The following FBXO17 variants were observed in gnomAD, a reference collection of about 807,000 sequenced individuals.
The protein encoded by FBXO17 is F-box only protein 17.
Under a neutral mutation model 34.1 loss-of-function variants are expected in FBXO17, and 43 were observed. The observed-to-expected ratio is 1.26, with a 90% CI of 0.99 to 1.62. The LOEUF (loss-of-function observed/expected upper bound fraction) is 1.62, where lower values mean the gene tolerates loss of function less well. FBXO17 is among the 40% of genes most tolerant of loss of function. FBXO17 has a pLI of 0.00. For synonymous variants in FBXO17, 169 were observed against 166.0 expected (o/e 1.02, Z -0.14); for missense variants, 424 against 386.7 (o/e 1.10, Z -0.81).
chr19:38,960,809 CTTT>C (rs60174151), intron 1 of FBXO17, among the ~76,000 whole-genome samples: 11 of 139,322 alleles, frequency 7.9e-5, no homozygotes, highest in Non-Finnish European at 1.1e-4. Context: ...CACCCGGCCA[CTTT>C]TTTTTTTTTT....
At chr19:38,949,703 C>T (rs1975042268) in intron 2 of FBXO17, 3 of 569,622 alleles carry the variant, frequency 5.3e-6, no homozygotes, top group Admixed American at 3.3e-5. Flanking sequence ...TTCTGCATCC[C>T]CTCTGCATAC....
intron 1 of FBXO17, among the ~76,000 whole-genome samples, chr19:38,974,760 C>T (rs1975439204): frequency 2.0e-5 from 3 of 152,086 alleles, no homozygotes; most frequent in Admixed American, 2.0e-4. Context: ...TTACTTCTTG[C>T]CATTTTTGAA....
At chr19:38,952,302 A>G (rs958254402) in intron 1 of FBXO17, among the ~76,000 whole-genome samples, 1 of 152,198 alleles carries the variant, frequency 6.6e-6, no homozygotes, top group Non-Finnish European at 1.5e-5. Context: ...ACAGACCCAC[A>G]AGGAAACCCA....
intron 1 of FBXO17, among the ~76,000 whole-genome samples, chr19:38,962,694 A>T (rs1438784256): frequency 6.7e-6 from 1 of 150,290 alleles, no homozygotes; most frequent in South Asian, 2.1e-4. Context: ...TGTATCTGCT[A>T]TTTCTTTCTT....
chr19:38,948,862 C>G (rs1479317278), intron 2 of FBXO17, among the ~76,000 whole-genome samples, 184 bp from the exon 3 acceptor site: 5 of 152,238 alleles, frequency 3.3e-5, no homozygotes, highest in African/African-American at 9.6e-5. Flanking sequence ...AACTGTGACT[C>G]TCAGCGGTGC....
At chr19:38,946,406 G>T (rs954989923) in intron 4 of FBXO17, 66 bp downstream of exon 4, 4 of 1,605,576 alleles carry the variant, frequency 2.5e-6, no homozygotes, top group Non-Finnish European at 3.4e-6. Context: ...CGGGAAATGA[G>T]CCCCTGTTGC....
chr19:38,967,568 ATTTTTT>A (rs59028401), intron 1 of FBXO17, among the ~76,000 whole-genome samples: 4 of 148,282 alleles, frequency 2.7e-5, no homozygotes, highest in Non-Finnish European at 4.5e-5. Context: ...GGAAAATGCA[ATTTTTT>A]TTTTTTTTTG....
At chr19:38,942,876 G>C in intron 5 of FBXO17, 125 bp from the exon 6 acceptor site, 1 of 1,227,960 alleles carries the variant, frequency 8.1e-7, no homozygotes, top group East Asian at 3.0e-5. Flanking sequence ...GGACGGAGCA[G>C]TGAATAAAAC....
At chr19:38,968,844 A>C (rs938727564) in intron 1 of FBXO17, among the ~76,000 whole-genome samples, 1 of 152,196 alleles carries the variant, frequency 6.6e-6, no homozygotes, top group Admixed American at 6.6e-5. Flanking sequence ...CAGAAAAGAC[A>C]AATCTTTTTG....
intron 1 of FBXO17, among the ~76,000 whole-genome samples, chr19:38,974,776 A>T (rs1475337709): frequency 6.6e-6 from 1 of 152,182 alleles, no homozygotes; most frequent in Non-Finnish European, 1.5e-5. Flanking sequence ...TTGAAAAGTA[A>T]TGTAGTTAAC....
chr19:38,944,113 C>T (rs1411314512), intron 5 of FBXO17, among the ~76,000 whole-genome samples: 1 of 152,110 alleles, frequency 6.6e-6, no homozygotes, highest in Non-Finnish European at 1.5e-5. Context: ...CATGTCTGGC[C>T]TCTTTCAGCA....
At chr19:38,963,610 T>C (rs1055138550) in intron 1 of FBXO17, among the ~76,000 whole-genome samples, 2 of 152,080 alleles carry the variant, frequency 1.3e-5, no homozygotes, top group Non-Finnish European at 2.9e-5. Flanking sequence ...TTGTTGTGTA[T>C]CAATCAGTAG....
intron 1 of FBXO17, among the ~76,000 whole-genome samples, chr19:38,954,311 C>G (rs1184159635): frequency 6.6e-6 from 1 of 152,104 alleles, no homozygotes; most frequent in East Asian, 1.9e-4. Context: ...GATCTGTGGC[C>G]TAGGCTGGAG....
chr19:38,944,846 A>G (rs1568437286), intron 5 of FBXO17, 123 bp downstream of exon 5: 1 of 1,394,906 alleles, frequency 7.2e-7, no homozygotes, highest in East Asian at 2.3e-5. Flanking sequence ...GAAGGGCTCG[A>G]TACTTCTTAG....
At chr19:38,946,321 C>G in intron 4 of FBXO17, 151 bp downstream of exon 4, 1 of 1,306,954 alleles carries the variant, frequency 7.7e-7, no homozygotes, top group Non-Finnish European at 1.0e-6. Context: ...CCTTCCCCGG[C>G]TCTGCATCAC....
intron 1 of FBXO17, among the ~76,000 whole-genome samples, chr19:38,951,358 A>G (rs2144819043): frequency 6.6e-6 from 1 of 151,192 alleles, no homozygotes; most frequent in Non-Finnish European, 1.5e-5. Context: ...ATTGTTTTGT[A>G]GAGATGGGGT....
chr19:38,965,203 A>G (rs1387637084), intron 1 of FBXO17, among the ~76,000 whole-genome samples: 1 of 152,114 alleles, frequency 6.6e-6, no homozygotes, highest in Non-Finnish European at 1.5e-5. Flanking sequence ...CCAAAAGAAC[A>G]TGGAGGAAAA....
At chr19:38,974,238 C>A (rs75630379) in intron 1 of FBXO17, among the ~76,000 whole-genome samples, 1 of 151,540 alleles carries the variant, frequency 6.6e-6, no homozygotes, top group Non-Finnish European at 1.5e-5. Flanking sequence ...CCTACCACCA[C>A]GCCTGGCTAA....
At chr19:38,971,646 G>T (rs1975392423) in intron 1 of FBXO17, among the ~76,000 whole-genome samples, 1 of 152,010 alleles carries the variant, frequency 6.6e-6, no homozygotes, top group East Asian at 1.9e-4. Flanking sequence ...AATTAGCCAG[G>T]CATGGTGGTG....
Sources: gnomAD v4.1 joint callset for allele counts (sites outside exome capture counted in the v4.1 genomes callset) on GRCh38, gnomAD v4.1.1 for gene constraint, MANE v1.5 for transcripts, NCBI Gene and HGNC (gene_info 2026-07-23, HGNC 2026-07-21) for gene names.